SH3RF3: variants seen among roughly 807,000 people sequenced by gnomAD.
The protein encoded by SH3RF3 is SH3 domain containing ring finger 3.
In SH3RF3, 29 loss-of-function variants were observed where a neutral mutation model predicts 66.3. The observed-to-expected ratio is 0.44, with a 90% CI of 0.33 to 0.60. The LOEUF (loss-of-function observed/expected upper bound fraction) is 0.60, where lower values mean the gene tolerates loss of function less well. SH3RF3 is among the 20% of genes least tolerant of loss of function. The pLI, the probability that SH3RF3 is intolerant of heterozygous loss-of-function variation, is 0.04. For synonymous variants in SH3RF3, 583 were observed against 532.0 expected (o/e 1.10, Z -1.32); for missense variants, 1,194 against 1,190.9 (o/e 1.00, Z -0.04).
chr2:109,499,760 GGT>G (rs905640058), intron 9 of SH3RF3, among the ~76,000 whole-genome samples: 1 of 152,150 alleles, frequency 6.6e-6, no homozygotes, highest in Non-Finnish European at 1.5e-5. Context: ...AGAGCAGGGG[GGT>G]GTGTGTGTAT....
chr2:109,152,117 C>G (rs1401590145), intron 1 of SH3RF3, among the ~76,000 whole-genome samples: 2 of 152,222 alleles, frequency 1.3e-5, no homozygotes, highest in Admixed American at 6.5e-5. Flanking sequence ...TTCTCCTAGC[C>G]TCTTTTTGGA....
chr2:109,192,860 T>C (rs1394401967), intron 1 of SH3RF3, among the ~76,000 whole-genome samples: 1 of 152,222 alleles, frequency 6.6e-6, no homozygotes, highest in Non-Finnish European at 1.5e-5. Flanking sequence ...TGCACCTGTT[T>C]CTGTGCACTG....
intron 2 of SH3RF3, among the ~76,000 whole-genome samples, chr2:109,360,140 A>G (rs1427474717): frequency 6.6e-6 from 1 of 151,716 alleles, no homozygotes; most frequent in African/African-American, 2.4e-5. Context: ...AAAGCCTGCC[A>G]TTGTTTGTTG....
intron 1 of SH3RF3, among the ~76,000 whole-genome samples, chr2:109,141,199 T>C (rs1676940356): frequency 6.6e-6 from 1 of 152,268 alleles, no homozygotes; most frequent in African/African-American, 2.4e-5. Context: ...GTGCAGTTTC[T>C]GGCTCCATTT....
chr2:109,300,599 G>A (rs1387316293), intron 1 of SH3RF3, among the ~76,000 whole-genome samples: 1 of 152,188 alleles, frequency 6.6e-6, no homozygotes, highest in African/African-American at 2.4e-5. Flanking sequence ...TGGCAAATAT[G>A]CACTGGGACT....
At chr2:109,205,148 A>T (rs1345274746) in intron 1 of SH3RF3, among the ~76,000 whole-genome samples, 1 of 152,218 alleles carries the variant, frequency 6.6e-6, no homozygotes, top group Admixed American at 6.5e-5. Context: ...TTGAGGCTAC[A>T]ATGAGCCATG....
intron 2 of SH3RF3, among the ~76,000 whole-genome samples, chr2:109,363,947 G>A (rs1305264704): frequency 6.6e-6 from 1 of 151,918 alleles, no homozygotes; most frequent in African/African-American, 2.4e-5. Flanking sequence ...CATTTTTCTG[G>A]CATCTATCCT....
chr2:109,248,805 T>TTC (rs374755553), intron 1 of SH3RF3, among the ~76,000 whole-genome samples: 2,751 of 151,774 alleles, frequency 0.018, 94 homozygotes, highest in African/African-American at 0.063. Context: ...CTGTCTCTCT[T>TTC]TCTCTTTCGT....
chr2:109,363,404 C>G (rs952197871), intron 2 of SH3RF3, among the ~76,000 whole-genome samples: 1 of 152,114 alleles, frequency 6.6e-6, no homozygotes, highest in African/African-American at 2.4e-5. Flanking sequence ...ATTCATTTCT[C>G]TTGTACATGA....
intron 4 of SH3RF3, among the ~76,000 whole-genome samples, chr2:109,407,174 C>G (rs559033569): frequency 3.3e-4 from 45 of 138,022 alleles, no homozygotes; most frequent in African/African-American, 1.0e-3. Context: ...GGACCAGCAC[C>G]TTCATTGGCC....
chr2:109,477,615 T>TGG (rs372298898), intron 8 of SH3RF3, among the ~76,000 whole-genome samples: 1,974 of 35,568 alleles, frequency 0.055, 48 homozygotes, highest in African/African-American at 0.12. Flanking sequence ...CACAGATGGG[T>TGG]GTGTGTGTGT....
At chr2:109,483,167 C>T (rs1242899918) in intron 8 of SH3RF3, among the ~76,000 whole-genome samples, 1 of 152,224 alleles carries the variant, frequency 6.6e-6, no homozygotes, top group Admixed American at 6.5e-5. Flanking sequence ...AAAATTTTAA[C>T]AGAGCACAGC....
chr2:109,176,259 A>C (rs1677909976), intron 1 of SH3RF3, among the ~76,000 whole-genome samples: 1 of 152,226 alleles, frequency 6.6e-6, no homozygotes, highest in Non-Finnish European at 1.5e-5. Flanking sequence ...AGAGTTTAAT[A>C]AAATAGAAAA....
At chr2:109,416,924 AGAATT>A (rs113009214) in intron 4 of SH3RF3, among the ~76,000 whole-genome samples, 1,831 of 149,924 alleles carry the variant, frequency 0.012, 44 homozygotes, top group African/African-American at 0.043. Flanking sequence ...AAAAAAAAAA[AGAATT>A]GTATGTCCAG....
intron 1 of SH3RF3, among the ~76,000 whole-genome samples, chr2:109,282,979 C>A: frequency 6.6e-6 from 1 of 152,118 alleles, no homozygotes; most frequent in Non-Finnish European, 1.5e-5. Context: ...GGGTCCTACT[C>A]CCTCACGTGG....
chr2:109,130,620 T>C (rs1376238484), intron 1 of SH3RF3, among the ~76,000 whole-genome samples: 9 of 152,086 alleles, frequency 5.9e-5, no homozygotes. Context: ...TTTGGAGGAA[T>C]GCTTCTAGTA....
intron 1 of SH3RF3, among the ~76,000 whole-genome samples, chr2:109,184,760 T>C (rs186011988): frequency 1.3e-5 from 2 of 152,262 alleles, no homozygotes; most frequent in African/African-American, 4.8e-5. Flanking sequence ...AACTTTCTGG[T>C]TGGGTTTGCA....
At chr2:109,170,874 C>T (rs1455623957) in intron 1 of SH3RF3, among the ~76,000 whole-genome samples, 2 of 152,184 alleles carry the variant, frequency 1.3e-5, no homozygotes, top group Non-Finnish European at 2.9e-5. Context: ...TACCTTGCGT[C>T]ACCTTCCTCT....
chr2:109,405,806 C>T (rs535402561), intron 4 of SH3RF3, among the ~76,000 whole-genome samples: 1 of 152,378 alleles, frequency 6.6e-6, no homozygotes, highest in East Asian at 1.9e-4. Flanking sequence ...GGCCATCCCC[C>T]CTTCCTCCCT....
Sources: allele counts gnomAD v4.1 joint callset (sites outside exome capture counted in the v4.1 genomes callset), GRCh38; gene constraint gnomAD v4.1.1; transcripts MANE v1.5; gene names NCBI Gene and HGNC (gene_info 2026-07-23, HGNC 2026-07-21).